The following MICU1 variants were observed in gnomAD, a reference collection of about 807,000 sequenced individuals.
MICU1 encodes mitochondrial calcium uptake 1.
MICU1 carries 45 observed loss-of-function variants against 56.8 expected under a neutral mutation model. That is an observed-to-expected ratio of 0.79 (90% confidence interval 0.62 to 1.02). MICU1 has a LOEUF of 1.02. MICU1 is among the 50% of genes least tolerant of loss of function. The pLI, the probability that MICU1 is intolerant of heterozygous loss-of-function variation, is 0.00. For missense variants in MICU1, 504 were observed against 587.1 expected, an observed-to-expected ratio of 0.86 and a Z score of 1.46; for synonymous variants, 186 against 195.1, an observed-to-expected ratio of 0.95 and a Z score of 0.39.
chr10:72,591,456 A>T (rs1338412399), intron 1 of MICU1, among the ~76,000 whole-genome samples: 2 of 152,034 alleles, frequency 1.3e-5, no homozygotes, highest in East Asian at 1.9e-4. Flanking sequence ...TGAAAAAAAT[A>T]AAAAAAATCA....
chr10:72,539,553 C>T (rs894511320), intron 4 of MICU1, among the ~76,000 whole-genome samples: 1 of 151,924 alleles, frequency 6.6e-6, no homozygotes, highest in Non-Finnish European at 1.5e-5. Context: ...AAAATGGAAA[C>T]GCAATATGTT....
At chr10:72,383,872 C>T (rs1862802247) in intron 10 of MICU1, among the ~76,000 whole-genome samples, 2 of 152,096 alleles carry the variant, frequency 1.3e-5, no homozygotes, top group African/African-American at 4.8e-5. Flanking sequence ...GATCATGGCT[C>T]ACTGCAACCT....
intron 5 of MICU1, chr10:72,532,744 G>A: frequency 2.5e-6 from 1 of 398,884 alleles, no homozygotes. Context: ...CACAGATGGA[G>A]GCATTTTAAG....
chr10:72,516,298 A>G (rs1564913772), intron 5 of MICU1, among the ~76,000 whole-genome samples: 1 of 152,086 alleles, frequency 6.6e-6, no homozygotes, highest in Non-Finnish European at 1.5e-5. Flanking sequence ...TTTTTCTTGT[A>G]AATTTATTTA....
chr10:72,588,891 T>A (rs1276585570), intron 1 of MICU1, among the ~76,000 whole-genome samples: 1 of 152,200 alleles, frequency 6.6e-6, no homozygotes, highest in Non-Finnish European at 1.5e-5. Context: ...AAGAATTCAT[T>A]GTAAAACTAA....
intron 11 of MICU1, among the ~76,000 whole-genome samples, chr10:72,374,801 C>G (rs1862460655): frequency 7.6e-6 from 1 of 131,242 alleles, no homozygotes; most frequent in African/African-American, 3.0e-5. Context: ...TTGCCATCTA[C>G]TATTATCTTT....
intron 8 of MICU1, among the ~76,000 whole-genome samples, chr10:72,463,069 CTTT>C (rs797013532): frequency 6.9e-6 from 1 of 145,448 alleles, no homozygotes; most frequent in Admixed American, 6.9e-5. Flanking sequence ...GTCTTCTGCA[CTTT>C]TTTTTTTTTT....
At chr10:72,604,534 A>G (rs1475723362) in intron 1 of MICU1, among the ~76,000 whole-genome samples, 1 of 151,210 alleles carries the variant, frequency 6.6e-6, no homozygotes, top group Non-Finnish European at 1.5e-5. Context: ...TGGCCTCCCA[A>G]AGTGTTGGGA....
At chr10:72,613,318 G>A (rs1390305894) in intron 1 of MICU1, among the ~76,000 whole-genome samples, 2 of 145,270 alleles carry the variant, frequency 1.4e-5, no homozygotes, top group African/African-American at 5.2e-5. Context: ...CTGTCACCCA[G>A]GCTGTAGTGC....
intron 6 of MICU1, among the ~76,000 whole-genome samples, chr10:72,477,815 C>T (rs1866169347): frequency 6.6e-6 from 1 of 152,154 alleles, no homozygotes; most frequent in East Asian, 1.9e-4. Context: ...TTCATTATCA[C>T]TACAGCTCTA....
chr10:72,474,652 T>C (rs1352080823), intron 8 of MICU1, among the ~76,000 whole-genome samples: 1 of 152,188 alleles, frequency 6.6e-6, no homozygotes, highest in African/African-American at 2.4e-5. Flanking sequence ...CCACTGTGCC[T>C]GGTTAAGCAC....
intron 4 of MICU1, among the ~76,000 whole-genome samples, chr10:72,543,404 T>G (rs945901755): frequency 6.6e-6 from 1 of 152,156 alleles, no homozygotes; most frequent in Non-Finnish European, 1.5e-5. Flanking sequence ...ATAGGGCCTA[T>G]AGGCTCACAC....
At chr10:72,443,690 TAGA>T (rs1167681475) in intron 8 of MICU1, among the ~76,000 whole-genome samples, 19 of 152,226 alleles carry the variant, frequency 1.2e-4, no homozygotes, top group African/African-American at 3.9e-4. Flanking sequence ...TCACACCAGT[TAGA>T]ATGGTAATCA....
At chr10:72,403,100 G>T (rs917606093) in intron 10 of MICU1, among the ~76,000 whole-genome samples, 1 of 152,076 alleles carries the variant, frequency 6.6e-6, no homozygotes, top group African/African-American at 2.4e-5. Flanking sequence ...AGCTGGGGCC[G>T]GGCGCGGTGG....
intron 8 of MICU1, among the ~76,000 whole-genome samples, chr10:72,459,239 G>A (rs1255359368): frequency 6.6e-6 from 1 of 152,122 alleles, no homozygotes; most frequent in African/African-American, 2.4e-5. Flanking sequence ...GCTGAGGCAG[G>A]AGCATTGCTT....
At chr10:72,452,284 C>T (rs180798136) in intron 8 of MICU1, among the ~76,000 whole-genome samples, 127 of 152,316 alleles carry the variant, frequency 8.3e-4, no homozygotes, top group African/African-American at 2.8e-3. Flanking sequence ...GGAGGATACA[C>T]GCTATCTATG....
intron 11 of MICU1, among the ~76,000 whole-genome samples, chr10:72,369,732 G>T (rs960341621): frequency 1.3e-5 from 2 of 151,842 alleles, no homozygotes; most frequent in African/African-American, 2.4e-5. Context: ...GTTTTGAGAC[G>T]GAGTCTTGCT....
At chr10:72,423,889 C>A (rs543605641) in intron 8 of MICU1, among the ~76,000 whole-genome samples, 1 of 152,032 alleles carries the variant, frequency 6.6e-6, no homozygotes, top group African/African-American at 2.4e-5. Context: ...CCCAAAATAG[C>A]AATAAAATGT....
intron 3 of MICU1, among the ~76,000 whole-genome samples, chr10:72,553,152 T>A (rs972242820): frequency 2.6e-5 from 4 of 152,116 alleles, no homozygotes; most frequent in Admixed American, 2.0e-4. Context: ...CCTTGAGACA[T>A]AGCTACAAGT....
Sources: allele counts gnomAD v4.1 joint callset (sites outside exome capture counted in the v4.1 genomes callset), GRCh38; gene constraint gnomAD v4.1.1; transcripts MANE v1.5; gene names NCBI Gene and HGNC (gene_info 2026-07-23, HGNC 2026-07-21).